Variants in DNAJC6 observed in about 807,000 individuals in gnomAD.
DNAJC6 encodes the protein DnaJ heat shock protein family (Hsp40) member C6.
Under a neutral mutation model 110.0 loss-of-function variants are expected in DNAJC6, and 34 were observed. The observed-to-expected ratio is 0.31, with a 90% confidence interval of 0.24 to 0.41. DNAJC6 has a LOEUF of 0.41. Ranked by LOEUF, DNAJC6 falls within the 10% of genes least tolerant of loss-of-function variation. The pLI, the probability that DNAJC6 is intolerant of heterozygous loss-of-function variation, is 1.00. For synonymous variants in DNAJC6, 406 were observed against 437.2 expected, an observed-to-expected ratio of 0.93 and a Z score of 0.89; for missense variants, 1,031 against 1,207.8, an observed-to-expected ratio of 0.85 and a Z score of 2.17.
rs374596886 is a variant in DNAJC6 at position 65,339,379 on chromosome 1, A to T, written c.194-25256A>T. On this transcript the variant is annotated intron_variant, in intron 1 of 18. Coordinates refer to ENST00000371069, the MANE Select transcript of DNAJC6 (RefSeq NM_001256864.2). ...AGCAGTGGCATGTGAGACTGTCCAC[A>T]ATTAGCCTATTAATTGTGTGACCTC... Among the ~76,000 whole-genome samples, 6 of 152,316 alleles carry T rather than the reference A, an allele frequency of 3.9e-5. No individual in the cohort carries two copies. The East Asian group carries it at 7.7e-4, about 20-fold the overall frequency.
At chr1:65,365,960 T>C (rs762114109) in intron 3 of DNAJC6, 26 bp downstream of exon 3, 2 of 1,613,154 alleles carry the variant, frequency 1.2e-6, no homozygotes, top group Admixed American at 3.3e-5. Flanking sequence ...TTATTAACAG[T>C]CCTTTGGCTC....
At chr1:65,276,680 T>TTTCA in intron 1 of DNAJC6, among the ~76,000 whole-genome samples, 1 of 152,290 alleles carries the variant, frequency 6.6e-6, no homozygotes, top group East Asian at 1.9e-4. Context: ...TCATTGTGCT[T>TTTCA]TTCATTTGCT....
chr1:65,299,338 T>C (rs1644955904), intron 1 of DNAJC6, among the ~76,000 whole-genome samples: 1 of 152,204 alleles, frequency 6.6e-6, no homozygotes, highest in Admixed American at 6.5e-5. Flanking sequence ...TTCTAGACTG[T>C]ATTGAGATCA....
chr1:65,411,154 T>C lies in DNAJC6; in HGVS notation c.2635-96T>C, dbSNP rs1646125218. On this transcript the variant is annotated intron_variant, in intron 17 of 18. Transcript: ENST00000371069. ...ATACAGGTTGCCCTAAGTGTTTTGA[T>C]GTTGCTGGAGCAGAAGGGGTTTCTA... 16 of 1,300,304 alleles carry C rather than the reference T, an allele frequency of 1.2e-5. 1 individual carries two copies. The South Asian group carries it at 2.4e-4, about 19-fold the overall frequency. The allele number at this position is 1,300,304 out of a possible 1,614,324, so 80.5% of individuals were successfully genotyped here.
upstream of DNAJC6, among the ~76,000 whole-genome samples, chr1:65,306,961 TCTCA>T (rs1238845202): frequency 2.0e-5 from 3 of 147,292 alleles, no homozygotes; most frequent in East Asian, 2.0e-4. Flanking sequence ...CTACTCTCTC[TCTCA>T]ATCTGTTTCT....
At chr1:65,377,264 C>T (rs1018442517) in intron 4 of DNAJC6, among the ~76,000 whole-genome samples, 2 of 152,170 alleles carry the variant, frequency 1.3e-5, no homozygotes, top group Non-Finnish European at 2.9e-5. Context: ...AAATACATTG[C>T]AGACAGAAAG....
chr1:65,361,196 T>C (rs546615148), intron 1 of DNAJC6, among the ~76,000 whole-genome samples: 5 of 152,324 alleles, frequency 3.3e-5, no homozygotes, highest in Non-Finnish European at 5.9e-5. Flanking sequence ...TCTCCCGCTA[T>C]ATGAAACTGT....
intron 1 of DNAJC6, among the ~76,000 whole-genome samples, chr1:65,353,596 G>A (rs568383220): frequency 9.4e-4 from 143 of 152,176 alleles, no homozygotes; most frequent in African/African-American, 3.4e-3. Flanking sequence ...TTTATTATAC[G>A]CAGAGTTCAT....
At chr1:65,343,427 A>G (rs981249108) in intron 1 of DNAJC6, among the ~76,000 whole-genome samples, 3 of 152,190 alleles carry the variant, frequency 2.0e-5, no homozygotes, top group African/African-American at 7.2e-5. Context: ...AAAATTCCAG[A>G]AATAATCCAT....
chr1:65,387,223 A>G lies in DNAJC6; in HGVS notation c.1113+294A>G, dbSNP rs558790073. On this transcript the variant is annotated intron_variant, in intron 8 of 18. Transcript: ENST00000371069. ...GCCTGTGCTTTTCTTATAGTGCCCC[A>G]TTTGGATCAGTGTAAGGGAAGAGAT... 7.9e-5 allele frequency among the ~76,000 whole-genome samples: 12 copies of G among 152,326 alleles called. No individual in the cohort carries two copies. The East Asian group carries it at 1.4e-3, about 17-fold the overall frequency.
rs140683358 is a variant in DNAJC6, at chr1:65,385,608, T to C, written c.801-104T>C. On this transcript the variant is annotated intron_variant, in intron 6 of 18. Transcript: ENST00000371069. ...ATTTAAGAAATTGATAGAATAAGTT[T>C]TTATTATAACAGTAATTTGCAAGAA... is the stretch of plus-strand genomic sequence containing the variant. The C allele has an allele frequency of 2.4e-5, 24 of 1,019,350 alleles. No individual in the cohort carries two copies. In the African/African-American group the frequency reaches 3.5e-4, roughly 15 times the overall value. The allele number at this position is 1,019,350 out of a possible 1,614,324, so 63.1% of individuals were successfully genotyped here.
At chr1:65,394,431 ATCT>A (rs1475893131) in intron 12 of DNAJC6, among the ~76,000 whole-genome samples, 1 of 152,204 alleles carries the variant, frequency 6.6e-6, no homozygotes, top group Non-Finnish European at 1.5e-5. Flanking sequence ...TTATTGAAAA[ATCT>A]TCTCAGTTGT....
chr1:65,324,866 G>A (rs1284755104), intron 1 of DNAJC6, among the ~76,000 whole-genome samples: 1 of 152,198 alleles, frequency 6.6e-6, no homozygotes, highest in African/African-American at 2.4e-5. Context: ...GTACAAAACA[G>A]CTCCTCACAA....
At chr1:65,295,917 A>T in intron 1 of DNAJC6, among the ~76,000 whole-genome samples, 1 of 152,250 alleles carries the variant, frequency 6.6e-6, no homozygotes, top group East Asian at 1.9e-4. Flanking sequence ...TTGAAAACCA[A>T]CACCACTATG....
At chr1:65,402,212 G>A (rs1448637621) in intron 15 of DNAJC6, among the ~76,000 whole-genome samples, 1 of 152,186 alleles carries the variant, frequency 6.6e-6, no homozygotes, top group Non-Finnish European at 1.5e-5. Flanking sequence ...AGACAGGGCT[G>A]GTCAGATGGA....
intron 1 of DNAJC6, among the ~76,000 whole-genome samples, chr1:65,355,882 CTTTTTTTTTT>C (rs372078909): frequency 4.8e-5 from 4 of 82,846 alleles, no homozygotes; most frequent in African/African-American, 1.4e-4. Flanking sequence ...AACAGCATGG[CTTTTTTTTTT>C]TTTTTTTTTT....
chr1:65,374,416 G>C (rs1645739714), intron 4 of DNAJC6, among the ~76,000 whole-genome samples: 1 of 152,072 alleles, frequency 6.6e-6, no homozygotes, highest in South Asian at 2.1e-4. Context: ...CCATGAGCAT[G>C]GAATACCTTT....
intron 1 of DNAJC6, among the ~76,000 whole-genome samples, chr1:65,277,867 C>T (rs527574118): frequency 6.6e-6 from 1 of 152,296 alleles, no homozygotes; most frequent in African/African-American, 2.4e-5. Flanking sequence ...ACGTCTGGCT[C>T]TGGAGCTTCT....
At chr1:65,340,004 T>G (rs1645374231) in intron 1 of DNAJC6, among the ~76,000 whole-genome samples, 1 of 152,214 alleles carries the variant, frequency 6.6e-6, no homozygotes, top group African/African-American at 2.4e-5. Flanking sequence ...ACTCACATTA[T>G]ATAGACTCTA....
Sources: gnomAD v4.1 joint callset for allele counts (sites outside exome capture counted in the v4.1 genomes callset) on GRCh38, gnomAD v4.1.1 for gene constraint, MANE v1.5 for transcripts, NCBI Gene and HGNC (gene_info 2026-07-23, HGNC 2026-07-21) for gene names.